The following CLEC16A variants were observed in gnomAD, a reference collection of about 807,000 sequenced individuals.
CLEC16A encodes the protein C-type lectin domain containing 16A, also known as protein CLEC16A.
In CLEC16A, 51 loss-of-function variants were observed where a neutral mutation model predicts 109.5. The observed-to-expected ratio is 0.47, with a 90% confidence interval of 0.37 to 0.59. The LOEUF (loss-of-function observed/expected upper bound fraction) is 0.59. Ranked by LOEUF, CLEC16A falls within the 20% of genes least tolerant of loss-of-function variation. The pLI, the probability that CLEC16A is intolerant of heterozygous loss-of-function variation, is 0.00. For missense variants in CLEC16A, 1,339 were observed against 1,394.0 expected (o/e 0.96, Z 0.63); for synonymous variants, 673 against 564.2 (o/e 1.19, Z -2.73).
At chr16:11,105,356 G>A (rs1469524392) in intron 19 of CLEC16A, among the ~76,000 whole-genome samples, 1 of 152,226 alleles carries the variant, frequency 6.6e-6, no homozygotes, top group Admixed American at 6.5e-5. Flanking sequence ...AGAGGAACAA[G>A]GAGTGAAGCT....
chr16:11,159,491 C>T (rs2054644865), intron 22 of CLEC16A, among the ~76,000 whole-genome samples: 3 of 152,340 alleles, frequency 2.0e-5, no homozygotes, highest in Middle Eastern at 3.4e-3. Flanking sequence ...GGTAAGGCAC[C>T]ATGCCAGCCC....
At chr16:11,097,929 C>A (rs771791431) in intron 19 of CLEC16A, among the ~76,000 whole-genome samples, 2 of 152,210 alleles carry the variant, frequency 1.3e-5, no homozygotes, top group African/African-American at 4.8e-5. Context: ...AGCTGGCCCA[C>A]GGGCGACAGG....
chr16:11,124,039 C>A, intron 21 of CLEC16A, 93 bp downstream of exon 21: 1 of 1,123,254 alleles, frequency 8.9e-7, no homozygotes, highest in Non-Finnish European at 1.3e-6. Context: ...ACCCCCATAG[C>A]ATAGAAGAAG....
Position 11,060,904 on chromosome 16 carries a change from C to A in CLEC16A, c.1998C>A (p.Ala666=). The A allele has an allele frequency of 6.2e-7, 1 of 1,609,004 alleles. No homozygotes were observed. Among genetic ancestry groups the A allele is most frequent in the South Asian group, 1.1e-5 (1 of 90,340 alleles). The change falls in exon 19 of 24, where the codon GCC becomes GCA. Residue 666 remains alanine (A), a splice_region_variant and synonymous_variant. Coordinates refer to ENST00000409790, the MANE Select transcript of CLEC16A (RefSeq NM_015226.3). The part of the protein sequence containing the change: ...PCGDVEKTRR[A]IRVFFMLRSL... Reference sequence around the variant, plus strand: ...TGCTCTCTGAACTGTTGGTCCAGGCCATCCGGGTGTTCTTCATGCTGCGTT... The same window carrying A: ...TGCTCTCTGAACTGTTGGTCCAGGCAATCCGGGTGTTCTTCATGCTGCGTT...
At chr16:11,078,144 T>C (rs1291235259) in intron 19 of CLEC16A, among the ~76,000 whole-genome samples, 1 of 152,132 alleles carries the variant, frequency 6.6e-6, no homozygotes, top group East Asian at 1.9e-4. Flanking sequence ...TCTGATTTGC[T>C]CCTAGGCCAG....
intron 2 of CLEC16A, among the ~76,000 whole-genome samples, chr16:10,959,689 G>T (rs979077169): frequency 1.3e-5 from 2 of 151,918 alleles, no homozygotes; most frequent in Non-Finnish European, 2.9e-5. Flanking sequence ...ACCGTGCCCA[G>T]CTGGAATTTT....
At position 11,076,503 on chromosome 16, in the gene CLEC16A, A is replaced by G. The variant is rs572040341; in HGVS notation, c.2116+15481A>G. ...GAGCTGTCTGGGGCTCCGCCTACAC[A>G]CAGCTCCTCACCCTGAAGCTGCTGG... On this transcript the variant is annotated intron_variant, in intron 19 of 23. Transcript: ENST00000409790. 9.9e-5 allele frequency among the ~76,000 whole-genome samples: 15 copies of G among 152,142 alleles called. No homozygotes were observed. In the East Asian group the frequency reaches 2.9e-3, roughly 29 times the overall value.
At chr16:10,959,774 G>T (rs1050770595) in intron 2 of CLEC16A, among the ~76,000 whole-genome samples, 2 of 151,718 alleles carry the variant, frequency 1.3e-5, no homozygotes, top group East Asian at 3.9e-4. Context: ...CCCTTGACTA[G>T]AATGGACTTA....
chr16:11,129,939 T>C (rs1351871188), intron 22 of CLEC16A, among the ~76,000 whole-genome samples: 1 of 152,096 alleles, frequency 6.6e-6, no homozygotes, highest in Non-Finnish European at 1.5e-5. Flanking sequence ...ATTTTTTGTA[T>C]TTTTAGTAGA....
intron 22 of CLEC16A, among the ~76,000 whole-genome samples, chr16:11,140,020 G>A (rs765153060): frequency 9.9e-5 from 15 of 152,188 alleles, no homozygotes; most frequent in Non-Finnish European, 1.5e-4. Flanking sequence ...TCCCCTGCCC[G>A]GAGTCTCAAA....
At chr16:11,007,727 C>T (rs1029907542) in intron 11 of CLEC16A, among the ~76,000 whole-genome samples, 3 of 152,072 alleles carry the variant, frequency 2.0e-5, no homozygotes, top group Non-Finnish European at 4.4e-5. Context: ...CTGTGGGACC[C>T]GTTTCTCTGT....
At chr16:10,973,260 A>G (rs2042880308) in intron 7 of CLEC16A, among the ~76,000 whole-genome samples, 199 bp downstream of exon 7, 1 of 152,204 alleles carries the variant, frequency 6.6e-6, no homozygotes. Flanking sequence ...CGCCTCCCAG[A>G]GCAGGCGGGG....
intron 18 of CLEC16A, chr16:11,057,117 A>G (rs1007986502): frequency 6.4e-6 from 1 of 155,880 alleles, no homozygotes; most frequent in Non-Finnish European, 1.5e-5. Flanking sequence ...TTCAAAGGGT[A>G]TGAATGTGTT....
intron 19 of CLEC16A, among the ~76,000 whole-genome samples, chr16:11,062,805 A>G (rs1247730120): frequency 2.0e-5 from 3 of 151,250 alleles, no homozygotes; most frequent in Non-Finnish European, 4.4e-5. Flanking sequence ...GAATTTCTCT[A>G]AGGGTTTAAA....
chr16:10,950,573 C>T (rs183530272), intron 1 of CLEC16A, among the ~76,000 whole-genome samples: 29 of 152,344 alleles, frequency 1.9e-4, no homozygotes, highest in African/African-American at 6.7e-4. Flanking sequence ...CCAGGGGAAG[C>T]ACAGCCTGTG....
rs1567524342 is a variant in CLEC16A, at chr16:10,973,035, C to T, written c.702C>T (p.Leu234=). 1.2e-6 allele frequency: 2 copies of T among 1,608,066 alleles called. No homozygotes were observed. The highest frequency in any genetic ancestry group is 8.5e-7 in the Non-Finnish European group (1 of 1,177,200). Residue 234 remains leucine, a synonymous_variant, in exon 7 of 24, where the codon CTC becomes CTT. Coordinates refer to ENST00000409790, the MANE Select transcript of CLEC16A (RefSeq NM_015226.3). ...TCATTGGGAGCCATGTGATCGAACT[C>T]GATGACTGCGTGCAGACTGATGAGG... ...VWFIGSHVIE[L]DDCVQTDEEH...
At chr16:11,092,361 A>ACACAC (rs2050354709) in intron 19 of CLEC16A, among the ~76,000 whole-genome samples, 7 of 132,436 alleles carry the variant, frequency 5.3e-5, no homozygotes, top group South Asian at 2.8e-4. Flanking sequence ...AACAAAAACA[A>ACACAC]ACACACACAC....
intron 17 of CLEC16A, among the ~76,000 whole-genome samples, chr16:11,049,445 T>C (rs1218107037): frequency 3.3e-5 from 5 of 151,952 alleles, no homozygotes; most frequent in Admixed American, 1.3e-4. Flanking sequence ...AAATACTTCC[T>C]CCCCCTCCCA....
intron 19 of CLEC16A, among the ~76,000 whole-genome samples, chr16:11,073,245 C>T (rs2049168253): frequency 6.6e-6 from 1 of 152,146 alleles, no homozygotes; most frequent in African/African-American, 2.4e-5. Context: ...TTAAAGGAAG[C>T]ACAGTCCTCA....
Sources: allele counts gnomAD v4.1 joint callset (sites outside exome capture counted in the v4.1 genomes callset), GRCh38; gene constraint gnomAD v4.1.1; transcripts MANE v1.5; gene names NCBI Gene and HGNC (gene_info 2026-07-23, HGNC 2026-07-21).